The following AIM2 variants were observed in gnomAD, a reference collection of about 807,000 sequenced individuals.
The protein encoded by AIM2 is absent in melanoma 2, also known as interferon-inducible protein AIM2.
In AIM2, 30 loss-of-function variants were observed where a neutral mutation model predicts 27.7. The ratio of observed to expected loss-of-function variants is 1.08; its 90% CI spans 0.81 to 1.47. The LOEUF (loss-of-function observed/expected upper bound fraction) is 1.47, where lower values mean the gene tolerates loss of function less well. AIM2 is among the 40% of genes most tolerant of loss of function. The probability of loss-of-function intolerance (pLI) is 0.00; values close to 1 mark genes in which losing one functional copy is unlikely to be tolerated. For synonymous variants in AIM2, 141 were observed against 145.3 expected (o/e 0.97, Z 0.21); for missense variants, 358 against 411.3 (o/e 0.87, Z 1.12).
At chr1:159,108,243 A>C (rs983526463) in intron 1 of AIM2, among the ~76,000 whole-genome samples, 1 of 152,202 alleles carries the variant, frequency 6.6e-6, no homozygotes, top group Non-Finnish European at 1.5e-5. Context: ...GAAGGGATGG[A>C]GGGACGGTTT....
At chr1:159,073,763 C>T (rs1007537749) in intron 1 of AIM2, among the ~76,000 whole-genome samples, 11 of 152,150 alleles carry the variant, frequency 7.2e-5, no homozygotes, top group Non-Finnish European at 1.6e-4. Flanking sequence ...TAGCTGGGCG[C>T]GGTAGCTCAC....
At chr1:159,093,440 A>T (rs1657093638) in intron 1 of AIM2, among the ~76,000 whole-genome samples, 1 of 152,194 alleles carries the variant, frequency 6.6e-6, no homozygotes, top group Non-Finnish European at 1.5e-5. Context: ...TTGGAACATA[A>T]TGCTGTATTA....
intron 1 of AIM2, among the ~76,000 whole-genome samples, chr1:159,114,984 G>C (rs373257936): frequency 0.011 from 1,732 of 152,220 alleles, 35 homozygotes; most frequent in African/African-American, 0.039. Context: ...CTTCAGCAAA[G>C]TCTCAGGATA....
downstream of AIM2, among the ~76,000 whole-genome samples, chr1:159,058,082 G>A (rs374092320): frequency 7.2e-5 from 11 of 152,250 alleles, no homozygotes; most frequent in East Asian, 7.7e-4. Context: ...GGCTGGGCAC[G>A]GTGGCTCATG....
upstream of AIM2, among the ~76,000 whole-genome samples, chr1:159,078,783 A>C (rs567148500): frequency 2.9e-4 from 44 of 152,336 alleles, no homozygotes; most frequent in African/African-American, 1.0e-3. Context: ...GGGATCCCCA[A>C]GCCCTTTCCT....
chr1:159,103,862 G>C (rs567431750), intron 1 of AIM2, among the ~76,000 whole-genome samples: 84 of 152,060 alleles, frequency 5.5e-4, no homozygotes, highest in African/African-American at 1.9e-3. Flanking sequence ...ATTCACCCAC[G>C]CCAGCCAAAG....
intron 1 of AIM2, among the ~76,000 whole-genome samples, chr1:159,118,289 G>A (rs1037538014): frequency 2.0e-5 from 3 of 152,214 alleles, no homozygotes; most frequent in Non-Finnish European, 2.9e-5. Context: ...ACATGGGCAT[G>A]TTAAAGAGTC....
chr1:159,142,998 C>G (rs1308224980), upstream of AIM2, among the ~76,000 whole-genome samples: 1 of 152,308 alleles, frequency 6.6e-6, no homozygotes, highest in Middle Eastern at 3.4e-3. Context: ...TGTGTGTCTC[C>G]ACAGCCCCCA....
rs150231063 is a variant in AIM2, at chr1:159,096,063, C to T, written c.-15-29734G>A. ...TATAAGCTGTCTTGGTAGAGTACAT[C>T]TGGGCTTTGGGATGACTCCACTACC... is the stretch of plus-strand genomic sequence containing the variant. On this transcript the variant is annotated intron_variant, in intron 1 of 2. Transcript: ENST00000368129. Among the ~76,000 whole-genome samples, 799 of 152,280 alleles carry T rather than the reference C, an allele frequency of 5.2e-3. 4 individuals are homozygous for T. Among genetic ancestry groups the T allele is most frequent in the Non-Finnish European group, 8.4e-3 (574 of 68,016 alleles).
chr1:159,081,642 AC>A (rs1656778555), upstream of AIM2: 1 of 299,408 alleles, frequency 3.3e-6, no homozygotes, highest in Non-Finnish European at 7.0e-6. Context: ...CCTTGGTAAC[AC>A]ATTCAAAGTG....
chr1:159,084,800 CACACACACACACACATACAG>C (rs1166368367), intron 1 of AIM2, among the ~76,000 whole-genome samples: 3 of 150,374 alleles, frequency 2.0e-5, no homozygotes, highest in African/African-American at 7.4e-5. Context: ...CACACACACA[CACACACACACACACATACAG>C]ACACACACAC....
chr1:159,065,976 C>T lies in AIM2; in HGVS notation c.750G>A (p.Pro250=), dbSNP rs34654901. ...GCTGAGTTTGAAGCGTGTTGATCTT[C>T]GGGGTTTCACCAGCTTTTCTGATAA... ...LNIIRKAGET[P]KINTLQTQPL... is the part of the protein sequence containing the mutation. Residue 250 remains proline, a synonymous_variant, in exon 4 of 6, where the codon CCG becomes CCA. Coordinates refer to ENST00000368130, the MANE Select transcript of AIM2 (RefSeq NM_004833.3). The T allele has an allele frequency of 2.4e-5, 39 of 1,610,106 alleles. 1 individual carries two copies. The South Asian group carries it at 2.9e-4, about 12-fold the overall frequency.
intron 1 of AIM2, among the ~76,000 whole-genome samples, chr1:159,086,935 G>A (rs1265057025): frequency 1.3e-5 from 2 of 152,100 alleles, no homozygotes; most frequent in African/African-American, 2.4e-5. Flanking sequence ...GCCTTTTTCA[G>A]TGAAGTGTAA....
chr1:159,063,395 A>G, intron 5 of AIM2, 91 bp downstream of exon 5: 1 of 1,249,642 alleles, frequency 8.0e-7, no homozygotes, highest in East Asian at 2.3e-5. Flanking sequence ...TCCACTCTAT[A>G]TCCTGTTCAA....
intron 1 of AIM2, among the ~76,000 whole-genome samples, chr1:159,086,495 G>A (rs1033182934): frequency 6.6e-6 from 1 of 152,090 alleles, no homozygotes; most frequent in Non-Finnish European, 1.5e-5. Context: ...CACATACCTC[G>A]CCCTCTACTT....
intron 1 of AIM2, among the ~76,000 whole-genome samples, chr1:159,106,474 C>A (rs545883060): frequency 2.2e-4 from 34 of 152,282 alleles, no homozygotes; most frequent in African/African-American, 7.7e-4. Flanking sequence ...GTGGGAACAG[C>A]AAGAAACTGG....
chr1:159,141,673 C>A (rs1648113857), upstream of AIM2, among the ~76,000 whole-genome samples: 1 of 152,090 alleles, frequency 6.6e-6, no homozygotes, highest in Non-Finnish European at 1.5e-5. Flanking sequence ...TCGTCCATTG[C>A]GCCACAGAGA....
At chr1:159,098,151 T>C (rs191305468) in intron 1 of AIM2, among the ~76,000 whole-genome samples, 5 of 149,276 alleles carry the variant, frequency 3.3e-5, no homozygotes, top group African/African-American at 1.2e-4. Flanking sequence ...CCAAATCCTT[T>C]TGAGACAGAA....
chr1:159,074,706 C>G (rs1398518277), intron 1 of AIM2, among the ~76,000 whole-genome samples: 1 of 151,780 alleles, frequency 6.6e-6, no homozygotes, highest in Non-Finnish European at 1.5e-5. Context: ...AAAAAAATTA[C>G]ATAAAAAAAG....
Sources: allele counts gnomAD v4.1 joint callset (sites outside exome capture counted in the v4.1 genomes callset), GRCh38; gene constraint gnomAD v4.1.1; transcripts MANE v1.5; gene names NCBI Gene and HGNC (gene_info 2026-07-23, HGNC 2026-07-21).